Variants in MCM9 observed in about 807,000 individuals in gnomAD.
The protein encoded by MCM9 is DNA helicase MCM9.
Under a neutral mutation model 72.8 loss-of-function variants are expected in MCM9, and 55 were observed. The observed-to-expected ratio is 0.76, with a 90% confidence interval of 0.61 to 0.95. The LOEUF is 0.95. Ranked by LOEUF, MCM9 falls within the 40% of genes least tolerant of loss-of-function variation. MCM9 has a pLI of 0.00. For synonymous variants in MCM9, 480 were observed against 503.4 expected (o/e 0.95, Z 0.62); for missense variants, 1,279 against 1,377.0 (o/e 0.93, Z 1.13).
chr6:118,859,604 T>C (rs142415425), intron 8 of MCM9, among the ~76,000 whole-genome samples: 16 of 152,328 alleles, frequency 1.1e-4, no homozygotes, highest in African/African-American at 3.8e-4. Flanking sequence ...AAATTGCTAA[T>C]GGCTCACAGT....
In MCM9 at chr6:118,861,394, C is replaced by T. The variant is rs191096840; in HGVS notation, c.1151-4849G>A. ...CACCCACAATGTGGTGAGTGAGGGA[C>T]GTGTTTCAGCCCTGTTTGTGTTACA... On this transcript the variant is annotated intron_variant, in intron 8 of 13. Transcript: ENST00000619706. 1.1e-3 allele frequency among the ~76,000 whole-genome samples: 161 copies of T among 152,304 alleles called. 2 individuals carry two copies. Among genetic ancestry groups the T allele is most frequent in the African/African-American group, 3.8e-3 (157 of 41,570 alleles).
At position 118,922,090 on chromosome 6, in the gene MCM9, G is replaced by C. The variant is rs1166209387; in HGVS notation, c.622-4C>G. ...TTCCAACAGATAGCCTTTGAACCTA[G>C]CAAAGAAAAGAAAACAGATTCTGAG... On this transcript the variant is annotated splice_region_variant and splice_polypyrimidine_tract_variant and intron_variant, in intron 4 of 13. Coordinates refer to ENST00000619706, the MANE Select transcript of MCM9 (RefSeq NM_017696.3). 2 of 1,602,806 alleles carry C rather than the reference G, an allele frequency of 1.2e-6. No individual in the cohort carries two copies. The highest frequency in any genetic ancestry group is 1.7e-6 in the Non-Finnish European group (2 of 1,175,360).
At chr6:118,878,692 A>G (rs1778092045) in intron 8 of MCM9, among the ~76,000 whole-genome samples, 1 of 152,122 alleles carries the variant, frequency 6.6e-6, no homozygotes, top group Non-Finnish European at 1.5e-5. Flanking sequence ...GCAACTATTA[A>G]TATCTTTAAA....
intron 7 of MCM9, chr6:118,912,897 AGTCT>A (rs1329212721): frequency 3.2e-5 from 5 of 158,032 alleles, no homozygotes; most frequent in Non-Finnish European, 5.6e-5. Context: ...TGAAAGCAGC[AGTCT>A]AAGAGAAACA....
chr6:118,926,213 C>T (rs889888961), intron 3 of MCM9, among the ~76,000 whole-genome samples: 1 of 152,094 alleles, frequency 6.6e-6, no homozygotes, highest in African/African-American at 2.4e-5. Context: ...CTCAATAAAC[C>T]CATCGTAAAT....
chr6:118,843,710 ATATATATATG>A (rs1487820290), intron 9 of MCM9, among the ~76,000 whole-genome samples: 3 of 89,162 alleles, frequency 3.4e-5, no homozygotes, highest in African/African-American at 9.4e-5. Context: ...ATATGTATGT[ATATATATATG>A]TATATATATA....
intron 3 of MCM9, among the ~76,000 whole-genome samples, chr6:118,927,685 A>G (rs1782013953): frequency 6.6e-6 from 1 of 152,152 alleles, no homozygotes. Context: ...GAAGTCTTAC[A>G]TAATATAAAC....
At position 118,840,619 on chromosome 6, in the gene MCM9, A is replaced by T. The variant is rs1249066560; in HGVS notation, c.1326-11369T>A. On this transcript the variant is annotated intron_variant, in intron 9 of 13. Transcript: ENST00000619706. ...CCTTGATTTTTAAAAATTGTTTAGC[A>T]TTTTTTTTAAAAAACCCAATAAAAC... is the stretch of plus-strand genomic sequence containing the variant. Among the ~76,000 whole-genome samples, 3 of 151,676 alleles carry T rather than the reference A, an allele frequency of 2.0e-5. No homozygotes were observed. The East Asian group carries it at 5.8e-4, about 29-fold the overall frequency.
intron 9 of MCM9, among the ~76,000 whole-genome samples, chr6:118,840,857 C>G (rs987718648): frequency 6.6e-6 from 1 of 151,740 alleles, no homozygotes; most frequent in Non-Finnish European, 1.5e-5. Flanking sequence ...CCCATCTCAG[C>G]CTCCTGTGTA....
intron 3 of MCM9, among the ~76,000 whole-genome samples, chr6:118,929,664 T>C (rs908088260): frequency 4.6e-5 from 7 of 152,080 alleles, no homozygotes; most frequent in Non-Finnish European, 5.9e-5. Context: ...TAATAATCCT[T>C]TTGCAAACTT....
At chr6:118,928,284 G>A (rs1386345434) in intron 3 of MCM9, among the ~76,000 whole-genome samples, 2 of 151,952 alleles carry the variant, frequency 1.3e-5, no homozygotes, top group African/African-American at 4.8e-5. Context: ...GGTGGCACAC[G>A]CCTGTAATCC....
chr6:118,846,931 C>T (rs1775909723), intron 9 of MCM9, among the ~76,000 whole-genome samples: 1 of 151,682 alleles, frequency 6.6e-6, no homozygotes, highest in Admixed American at 6.6e-5. Context: ...TGATAAAACC[C>T]TCATCTCCCT....
At chr6:118,859,888 C>T (rs1164422116) in intron 8 of MCM9, among the ~76,000 whole-genome samples, 2 of 152,194 alleles carry the variant, frequency 1.3e-5, no homozygotes, top group Non-Finnish European at 2.9e-5. Context: ...TGGTACCACC[C>T]AAGGGGGTGA....
At chr6:118,882,768 T>C (rs987733692) in intron 8 of MCM9, among the ~76,000 whole-genome samples, 20 of 151,990 alleles carry the variant, frequency 1.3e-4, no homozygotes, top group African/African-American at 4.6e-4. Flanking sequence ...GACTTCACAC[T>C]GTGAGGAGAC....
chr6:118,861,718 T>G (rs1776917342), intron 8 of MCM9, among the ~76,000 whole-genome samples: 1 of 152,078 alleles, frequency 6.6e-6, no homozygotes, highest in Non-Finnish European at 1.5e-5. Context: ...AGGGAGGAAG[T>G]GCATGCTGAC....
At chr6:118,824,720 C>A (rs1562399696) in intron 13 of MCM9, among the ~76,000 whole-genome samples, 1 of 152,126 alleles carries the variant, frequency 6.6e-6, no homozygotes. Flanking sequence ...ATAATTATCT[C>A]CTTAAGGAAC....
chr6:118,843,657 T>TACACAC (rs1378043575), intron 9 of MCM9, among the ~76,000 whole-genome samples: 2 of 33,848 alleles, frequency 5.9e-5, no homozygotes, highest in African/African-American at 1.1e-4. Flanking sequence ...TATATATATG[T>TACACAC]GTATATATAT....
chr6:118,900,437 G>A (rs1779731003), intron 8 of MCM9, among the ~76,000 whole-genome samples: 1 of 152,126 alleles, frequency 6.6e-6, no homozygotes, highest in Non-Finnish European at 1.5e-5. Context: ...CTTTACTGAA[G>A]GATATCTCAG....
At chr6:118,817,824 C>A (rs774452547) in intron 13 of MCM9, among the ~76,000 whole-genome samples, 8 of 152,152 alleles carry the variant, frequency 5.3e-5, no homozygotes, top group Non-Finnish European at 8.8e-5. Flanking sequence ...TTCTAATGAT[C>A]ACCATTCTAA....
Sources: allele counts gnomAD v4.1 joint callset (sites outside exome capture counted in the v4.1 genomes callset), GRCh38; gene constraint gnomAD v4.1.1; transcripts MANE v1.5; gene names NCBI Gene and HGNC (gene_info 2026-07-23, HGNC 2026-07-21).